The following PACSIN2 variants were observed in gnomAD, a reference collection of about 807,000 sequenced individuals.
The protein encoded by PACSIN2 is protein kinase C and casein kinase substrate in neurons 2.
A neutral mutation model predicts 63.8 loss-of-function variants in PACSIN2; 25 were observed. The observed-to-expected ratio is 0.39, with a 90% CI of 0.29 to 0.55. The LOEUF is 0.55. Ranked by LOEUF, PACSIN2 falls within the 20% of genes least tolerant of loss-of-function variation. PACSIN2 has a pLI of 0.62. For missense variants in PACSIN2, 518 were observed against 646.9 expected (o/e 0.80, Z 2.16); for synonymous variants, 255 against 256.2 (o/e 1.00, Z 0.05).
intron 1 of PACSIN2, among the ~76,000 whole-genome samples, chr22:42,977,273 C>T (rs1477146585): frequency 3.3e-5 from 5 of 152,112 alleles, no homozygotes; most frequent in African/African-American, 9.7e-5. Flanking sequence ...GCTGGGGACA[C>T]ATTTGCAATG....
At chr22:42,931,303 C>T (rs1296216064) in intron 1 of PACSIN2, among the ~76,000 whole-genome samples, 1 of 152,230 alleles carries the variant, frequency 6.6e-6, no homozygotes, top group Middle Eastern at 3.2e-3. Flanking sequence ...ACCTTAGTTT[C>T]CTCATCCAGA....
intron 1 of PACSIN2, among the ~76,000 whole-genome samples, chr22:43,007,719 A>G (rs185964376): frequency 2.6e-5 from 4 of 152,324 alleles, no homozygotes; most frequent in Admixed American, 1.3e-4. Flanking sequence ...TACCGCCACA[A>G]TGAAAAGAGA....
intron 1 of PACSIN2, among the ~76,000 whole-genome samples, chr22:42,991,569 C>T (rs991737163): frequency 1.3e-5 from 2 of 152,228 alleles, no homozygotes; most frequent in Non-Finnish European, 2.9e-5. Context: ...CAGCGGGCAT[C>T]GCCCAGTCCC....
At chr22:43,012,814 C>T (rs560879358) in intron 1 of PACSIN2, among the ~76,000 whole-genome samples, 3 of 152,100 alleles carry the variant, frequency 2.0e-5, no homozygotes, top group Non-Finnish European at 4.4e-5. Flanking sequence ...ACCACCACAC[C>T]CAGCTAATTT....
At chr22:42,969,838 G>A (rs1176280671) in intron 1 of PACSIN2, among the ~76,000 whole-genome samples, 1 of 151,606 alleles carries the variant, frequency 6.6e-6, no homozygotes, top group Non-Finnish European at 1.5e-5. Flanking sequence ...AGGAGGGTGA[G>A]GCTGCAATGA....
In PACSIN2 at chr22:42,871,522, G is replaced by A. The variant is rs1928126205; in HGVS notation, c.1349-53C>T. On this transcript the variant is annotated intron_variant, in intron 10 of 10. Coordinates refer to ENST00000263246, the MANE Select transcript of PACSIN2 (RefSeq NM_001184970.3). The surrounding 1 kb of genome is among the most constrained non-coding windows in gnomAD (Gnocchi z 5.4). The stretch of plus-strand genomic sequence containing the variant: ...ATGAGAGGTATGACACCGACGGTGG[G>A]CTACAGAGCCGCATTCACGAGCTTT... 5.1e-6 allele frequency: 7 copies of A among 1,374,606 alleles called. No individual in the cohort carries two copies. In the South Asian group the frequency reaches 8.1e-5, roughly 16 times the overall value. The allele number at this position is 1,374,606 out of a possible 1,614,324, so 85.2% of individuals were successfully genotyped here. A position where few individuals can be genotyped will look rare whatever the true frequency, so the allele number is the denominator to read the frequency against.
intron 1 of PACSIN2, among the ~76,000 whole-genome samples, chr22:42,916,846 G>C (rs934829028): frequency 6.6e-6 from 1 of 152,194 alleles, no homozygotes; most frequent in African/African-American, 2.4e-5. Flanking sequence ...CACCCTAAAA[G>C]TGATAGCCAT....
At chr22:42,893,144 G>A (rs1930030537) in intron 3 of PACSIN2, among the ~76,000 whole-genome samples, 1 of 152,234 alleles carries the variant, frequency 6.6e-6, no homozygotes, top group African/African-American at 2.4e-5. Flanking sequence ...CAAGCGGCAA[G>A]GCCTTCCACG....
intron 1 of PACSIN2, among the ~76,000 whole-genome samples, chr22:42,971,930 T>TG (rs1002630105): frequency 1.7e-4 from 23 of 139,384 alleles, no homozygotes; most frequent in African/African-American, 5.8e-4. Context: ...GTCTGGAAGG[T>TG]GGGGGGTGCC....
intron 1 of PACSIN2, among the ~76,000 whole-genome samples, chr22:42,977,695 T>C (rs1038037299): frequency 2.0e-5 from 3 of 152,144 alleles, no homozygotes; most frequent in Non-Finnish European, 4.4e-5. Context: ...GATTAGATCA[T>C]GGAGGCGAAT....
chr22:42,954,515 C>T (rs969820211), intron 1 of PACSIN2, among the ~76,000 whole-genome samples: 1 of 152,164 alleles, frequency 6.6e-6, no homozygotes, highest in African/African-American at 2.4e-5. Context: ...CCCACTTGAG[C>T]CTTCTGAAGC....
intron 1 of PACSIN2, among the ~76,000 whole-genome samples, chr22:42,940,084 C>T (rs1266499534): frequency 3.3e-5 from 5 of 152,158 alleles, no homozygotes; most frequent in Admixed American, 2.6e-4. Context: ...GAAGCTCCTC[C>T]GAAGGCTGTA....
chr22:42,987,881 C>T (rs951356213), intron 1 of PACSIN2, among the ~76,000 whole-genome samples: 5 of 152,028 alleles, frequency 3.3e-5, no homozygotes, highest in Admixed American at 1.3e-4. Context: ...TGGTTTATGT[C>T]TGTAATCCCA....
intron 1 of PACSIN2, among the ~76,000 whole-genome samples, chr22:42,960,606 T>C (rs1031443952): frequency 6.6e-6 from 1 of 152,210 alleles, no homozygotes; most frequent in South Asian, 2.1e-4. Flanking sequence ...GATTTTAAAA[T>C]GCTTGTGCCT....
At chr22:42,912,726 G>A (rs1427770737) in intron 1 of PACSIN2, among the ~76,000 whole-genome samples, 1 of 152,208 alleles carries the variant, frequency 6.6e-6, no homozygotes, top group Non-Finnish European at 1.5e-5. Context: ...TCCCCTGTTG[G>A]AGGGAAGAAA....
intron 1 of PACSIN2, among the ~76,000 whole-genome samples, chr22:42,932,805 C>T (rs1932808681): frequency 6.6e-6 from 1 of 151,682 alleles, no homozygotes; most frequent in African/African-American, 2.4e-5. Flanking sequence ...GCTTGTAGAG[C>T]CACTAAGTCA....
intron 1 of PACSIN2, among the ~76,000 whole-genome samples, chr22:42,969,489 G>A (rs1214429116): frequency 6.6e-6 from 1 of 152,140 alleles, no homozygotes; most frequent in Non-Finnish European, 1.5e-5. Context: ...AGGCCTTGGG[G>A]AAGAACCAAA....
intron 1 of PACSIN2, among the ~76,000 whole-genome samples, chr22:43,006,597 T>C (rs1924105443): frequency 6.6e-6 from 1 of 152,146 alleles, no homozygotes; most frequent in East Asian, 1.9e-4. Context: ...GGCGGGCCGT[T>C]TGAGGTCAGG....
Position 42,983,257 on chromosome 22 carries a change from C to T in PACSIN2, c.-78+31764G>A, listed in dbSNP as rs1190194783. On this transcript the variant is annotated intron_variant, in intron 1 of 10. Transcript: ENST00000263246. ...GCTCAAATCCAGGAGGTGGAGGCTGCAGTGAGTCGACAATGTGCCACTGCA... is the reference window on the plus strand; with the variant it reads ...GCTCAAATCCAGGAGGTGGAGGCTGTAGTGAGTCGACAATGTGCCACTGCA... Among the ~76,000 whole-genome samples the T allele has an allele frequency of 6.7e-5, 10 of 148,352 alleles. No individual in the cohort carries two copies. The Admixed American group carries it at 6.8e-4, about 10-fold the overall frequency.
Sources: gnomAD v4.1 joint callset for allele counts (sites outside exome capture counted in the v4.1 genomes callset) on GRCh38, gnomAD v4.1.1 for gene constraint, Gnocchi (gnomAD v3.1) non-coding constraint, MANE v1.5 for transcripts, NCBI Gene and HGNC (gene_info 2026-07-23, HGNC 2026-07-21) for gene names.